Variants in NOTCH1 observed in about 807,000 individuals in gnomAD.
NOTCH1 encodes neurogenic locus notch homolog protein 1.
A neutral mutation model predicts 254.8 loss-of-function variants in NOTCH1; 37 were observed. The observed-to-expected ratio is 0.15, with a 90% CI of 0.11 to 0.19. The LOEUF (loss-of-function observed/expected upper bound fraction) is 0.19, where lower values mean the gene tolerates loss of function less well. NOTCH1 is among the 10% of genes least tolerant of loss of function. The pLI is 1.00. For missense variants in NOTCH1, 2,972 were observed against 3,708.6 expected, an observed-to-expected ratio of 0.80 and a Z score of 5.16; for synonymous variants, 1,731 against 1,618.1, an observed-to-expected ratio of 1.07 and a Z score of -1.68.
rs548249498 is a variant in NOTCH1 at position 136,524,397 on chromosome 9, C to T, written c.141-418G>A. Reference sequence around the variant, plus strand: ...AGAACCCAGCTTGGACTCCACAGCCCGGGCAGGGGTCTGGGTCTACACCCG... The same window carrying T: ...AGAACCCAGCTTGGACTCCACAGCCTGGGCAGGGGTCTGGGTCTACACCCG... On this transcript the variant is annotated intron_variant, in intron 2 of 33. Transcript: ENST00000651671. Among the ~76,000 whole-genome samples the T allele has an allele frequency of 1.9e-3, 282 of 152,290 alleles. 2 individuals carry two copies. The highest frequency in any genetic ancestry group is 6.4e-3 in the African/African-American group (267 of 41,544).
rs1045530442 is a variant in NOTCH1 at position 136,508,769 on chromosome 9, G to A, written c.3171+101C>T. ...TGCCCGGGGGTGTGGGGGTGACCCC[G>A]AGCCGACACAGTGGGACCTGGGGTG... On this transcript the variant is annotated intron_variant, in intron 19 of 33. Transcript: ENST00000651671. 3.6e-5 allele frequency: 44 copies of A among 1,225,990 alleles called. No individual in the cohort carries two copies. The African/African-American group carries it at 4.3e-4, about 12-fold the overall frequency. 75.9% of individuals were successfully genotyped at this position (1,225,990 alleles called of 1,614,324 possible). A position where few individuals can be genotyped will look rare whatever the true frequency, so the allele number is the denominator to read the frequency against.
intron 2 of NOTCH1, among the ~76,000 whole-genome samples, chr9:136,525,231 C>T (rs975307493): frequency 6.6e-6 from 1 of 152,206 alleles, no homozygotes; most frequent in East Asian, 1.9e-4. Context: ...GACACACAGT[C>T]TGGGCTCAGA....
At chr9:136,500,437 C>T (rs1030206277) in intron 31 of NOTCH1, 115 bp downstream of exon 31, 69 of 1,328,170 alleles carry the variant, frequency 5.2e-5, no homozygotes, top group Admixed American at 4.6e-4. Context: ...CCAGTTGTCC[C>T]GGACTCAGCT....
intron 2 of NOTCH1, among the ~76,000 whole-genome samples, chr9:136,536,633 G>C (rs1192491893): frequency 6.6e-6 from 1 of 152,242 alleles, no homozygotes; most frequent in African/African-American, 2.4e-5. Flanking sequence ...CCCAGCCAGC[G>C]TGGAAGCTGC....
chr9:136,524,926 G>T (rs11574868), intron 2 of NOTCH1, among the ~76,000 whole-genome samples: 3,000 of 152,228 alleles, frequency 0.02, 73 homozygotes, highest in Admixed American at 0.078. Flanking sequence ...GTAAGCCACC[G>T]CGCCCGGCCA....
At chr9:136,515,798 G>A (rs1324580713) in intron 10 of NOTCH1, 82 bp from the exon 11 acceptor site, 2 of 1,346,486 alleles carry the variant, frequency 1.5e-6, no homozygotes, top group African/African-American at 2.9e-5. Flanking sequence ...GGGGTCACCT[G>A]TGCCAACCTG....
At chr9:136,518,002 C>T (rs2133369364) in intron 7 of NOTCH1, 65 bp from the exon 8 acceptor site, 7 of 1,588,556 alleles carry the variant, frequency 4.4e-6, no homozygotes, top group Non-Finnish European at 6.0e-6. Flanking sequence ...CCTCACTGCA[C>T]ACCACCCCCA....
intron 26 of NOTCH1, among the ~76,000 whole-genome samples, chr9:136,503,806 GC>G (rs1331399358): frequency 1.3e-5 from 2 of 152,226 alleles, no homozygotes; most frequent in Non-Finnish European, 2.9e-5. Context: ...ATCCCATCCA[GC>G]CTGTGAGATG....
Position 136,508,030 on chromosome 9 carries a change from C to T in NOTCH1, c.3435G>A (p.Leu1145=). 1 of 1,612,412 alleles carries T rather than the reference C, an allele frequency of 6.2e-7. No homozygotes were observed. Among genetic ancestry groups the T allele is most frequent in the Non-Finnish European group, 8.5e-7 (1 of 1,180,014 alleles). The change falls in exon 21 of 34, where the codon CTG becomes CTA. Residue 1145 remains leucine, a synonymous_variant. Transcript: ENST00000651671. ...AGYTGSYCED[L]VDECSPSPCQ... ...AGGGGCTGGGTGAGCACTCGTCCAC[C>T]AGGTCCTCACAGTAGCTGCCTGTGT...
Position 136,499,253 on chromosome 9 carries a change from T to C in NOTCH1, c.5941A>G (p.Ile1981Val), listed in dbSNP as rs2133323241. The C allele has an allele frequency of 6.2e-7, 1 of 1,612,644 alleles. No individual in the cohort carries two copies. The highest frequency in any genetic ancestry group is 1.7e-4 in the Middle Eastern group (1 of 6,058). Residue 1981 changes from isoleucine to valine, a missense_variant, in exon 32 of 34, where the codon ATC becomes GTC. Ile to Val is a conservative substitution (Grantham distance 29). Around this residue, in one of 8 missense-constraint regions of NOTCH1, gnomAD observed 421 missense variants for 604.4 expected, o/e 0.70. Coordinates refer to ENST00000651671, the MANE Select transcript of NOTCH1 (RefSeq NM_017617.5). ...ADAQGVFQIL[I>V]RNRATDLDAR... Reference sequence around the variant, plus strand: ...TCCAGGTCTGTGGCTCGGTTCCGGATCAGGATCTGGGCAACAGGGAGAGGC... The same window carrying C: ...TCCAGGTCTGTGGCTCGGTTCCGGACCAGGATCTGGGCAACAGGGAGAGGC...
chr9:136,522,844 C>T lies in NOTCH1; in HGVS notation c.742+6G>A. On this transcript the variant is annotated splice_donor_region_variant and intron_variant, in intron 4 of 33. Coordinates refer to ENST00000651671, the MANE Select transcript of NOTCH1 (RefSeq NM_017617.5). ...CTCGTGCACCCCGGCCAGCGGGCAG[C>T]ACTACCTGGCAGGCAGGCACACTCG... 1 of 1,486,082 alleles carries T rather than the reference C, an allele frequency of 6.7e-7. No individual in the cohort carries two copies. Among genetic ancestry groups the T allele is most frequent in the East Asian group, 2.5e-5 (1 of 40,366 alleles). The allele number at this position is 1,486,082 out of a possible 1,614,324, so 92.1% of individuals were successfully genotyped here. A position where few individuals can be genotyped will look rare whatever the true frequency, so the allele number is the denominator to read the frequency against.
intron 2 of NOTCH1, among the ~76,000 whole-genome samples, chr9:136,533,994 T>G (rs1002682039): frequency 2.6e-5 from 4 of 152,158 alleles, no homozygotes; most frequent in African/African-American, 9.7e-5. Context: ...GTAACCCCAC[T>G]ACGGGGAAGA....
At position 136,500,709 on chromosome 9, in the gene NOTCH1, C is replaced by T. The variant is rs771407924; in HGVS notation, c.5777G>A (p.Arg1926His). ...QGASLHNQTD[R>H]TGETALHLAA... ...CAGGTGCAAGGCGGTCTCGCCCGTGCGGTCTGTCTGGTTGTGCAGGCTGGC... is the reference window on the plus strand; with the variant it reads ...CAGGTGCAAGGCGGTCTCGCCCGTGTGGTCTGTCTGGTTGTGCAGGCTGGC... Residue 1926 changes from arginine (R) to histidine (H), a missense_variant, in exon 31 of 34, where the codon CGC becomes CAC. Physicochemically the swap from Arg to His is conservative, Grantham distance 29 (BLOSUM62 0). Coordinates refer to ENST00000651671, the MANE Select transcript of NOTCH1 (RefSeq NM_017617.5). 1.4e-5 allele frequency: 23 copies of T among 1,609,550 alleles called. No homozygotes were observed. In the Admixed American group the frequency reaches 1.5e-4, roughly 10 times the overall value.
chr9:136,507,490 A>G (rs567965488), intron 21 of NOTCH1, 53 bp from the exon 22 acceptor site: 2 of 1,561,470 alleles, frequency 1.3e-6, no homozygotes, highest in South Asian at 2.4e-5. Context: ...GCCAGGATGC[A>G]GTGCTCCCAC....
chr9:136,545,685 G>C lies in NOTCH1; in HGVS notation c.61+41C>G, dbSNP rs1843805095. 7.0e-7 allele frequency: 1 copy of C among 1,434,368 alleles called. No homozygotes were observed. The highest frequency in any genetic ancestry group is 1.5e-5 in the African/African-American group (1 of 66,742). 88.9% of individuals were successfully genotyped at this position (1,434,368 alleles called of 1,614,324 possible). On this transcript the variant is annotated intron_variant, in intron 1 of 33. Transcript: ENST00000651671. The surrounding 1 kb of genome is among the most constrained non-coding windows in gnomAD (Gnocchi z 6.8). ...GCCGGGCGCCGCCAAAGTTTCCAAAGGGCGCGGAAAGTGGGGGCTCGCGGG... is the reference window on the plus strand; with the variant it reads ...GCCGGGCGCCGCCAAAGTTTCCAAACGGCGCGGAAAGTGGGGGCTCGCGGG...
rs1455628051 is a variant in NOTCH1, at chr9:136,517,846, G to A, written c.1347C>T (p.Cys449=). ...AGACGCACTCGTTGACGTCGATCTC[G>A]CATCGGGGGCCCGTGTAGCCCTGCA... is the stretch of plus-strand genomic sequence containing the variant. ...QCLQGYTGPR[C]EIDVNECVSN... The change falls in exon 8 of 34, where the codon TGC becomes TGT. Residue 449 remains cysteine, a synonymous_variant. Coordinates refer to ENST00000651671, the MANE Select transcript of NOTCH1 (RefSeq NM_017617.5). The A allele has an allele frequency of 2.5e-6, 4 of 1,612,574 alleles. No individual in the cohort carries two copies. The highest frequency in any genetic ancestry group is 3.3e-5 in the Admixed American group (2 of 60,002).
Position 136,506,828 on chromosome 9 carries a change from G to A in NOTCH1, c.3789C>T (p.Arg1263=), listed in dbSNP as rs369004626. The A allele has an allele frequency of 1.3e-5, 21 of 1,612,164 alleles. No homozygotes were observed. Among genetic ancestry groups the A allele is most frequent in the Non-Finnish European group, 1.8e-5 (21 of 1,179,690 alleles). Reference sequence around the variant, plus strand: ...GGCACTCGTTGACATCCCCCTCACAGCGCTCACCCACGAAGCCCGGCGGGC... The same window carrying A: ...GGCACTCGTTGACATCCCCCTCACAACGCTCACCCACGAAGCCCGGCGGGC... ...CTCPPGFVGE[R]CEGDVNECLS... is the part of the protein sequence containing the mutation. Residue 1263 remains arginine, a synonymous_variant, in exon 23 of 34, where the codon CGC becomes CGT. Coordinates refer to ENST00000651671, the MANE Select transcript of NOTCH1 (RefSeq NM_017617.5). The surrounding 1 kb of genome is among the most constrained non-coding windows in gnomAD (Gnocchi z 4.5).
In NOTCH1 at chr9:136,505,832, A is replaced by G. The variant is rs1589059022; in HGVS notation, c.4064T>C (p.Leu1355Pro). The change falls in exon 25 of 34, where the codon CTG (leucine) becomes CCG (proline). Residue 1355 changes from leucine (L) to proline (P), a missense_variant. Transcript: ENST00000651671. ...CENDARTCGSLRCLNGGTCIS... is the reference protein window; with the variant it reads ...CENDARTCGSPRCLNGGTCIS... ...GCATGTGCCGCCGTTGAGGCAGCGC[A>G]GGCTGCCGCAGGTACGAGCGTCATT... 6.3e-7 allele frequency: 1 copy of G among 1,593,058 alleles called. No individual in the cohort carries two copies. Among genetic ancestry groups the G allele is most frequent in the South Asian group, 1.1e-5 (1 of 90,544 alleles).
At chr9:136,526,064 G>A (rs1843454535) in intron 2 of NOTCH1, among the ~76,000 whole-genome samples, 1 of 152,256 alleles carries the variant, frequency 6.6e-6, no homozygotes, top group Admixed American at 6.5e-5. Flanking sequence ...CCCGGAATGA[G>A]GCTCCCCCTC....
Sources: gnomAD v4.1 joint callset for allele counts (sites outside exome capture counted in the v4.1 genomes callset) on GRCh38, gnomAD v4.1.1 for gene constraint, gnomAD v4.1.1 regional missense constraint, Gnocchi (gnomAD v3.1) non-coding constraint, MANE v1.5 for transcripts, NCBI Gene and HGNC (gene_info 2026-07-23, HGNC 2026-07-21) for gene names.